Variants in GALNT10 observed in about 807,000 individuals in gnomAD.
GALNT10 encodes GalNAc transferase 10.
A neutral mutation model predicts 75.0 loss-of-function variants in GALNT10; 41 were observed. The observed-to-expected ratio is 0.55, with a 90% CI of 0.43 to 0.71. The LOEUF is 0.71. Among genes scored for constraint, GALNT10 ranks in the 30% least tolerant of loss-of-function variants. GALNT10 has a pLI of 0.00. For missense variants in GALNT10, 727 were observed against 818.5 expected, an observed-to-expected ratio of 0.89 and a Z score of 1.36; for synonymous variants, 302 against 313.0, an observed-to-expected ratio of 0.96 and a Z score of 0.37.
intron 4 of GALNT10, among the ~76,000 whole-genome samples, chr5:154,330,908 G>GGTGTGT (rs370103391): frequency 0.077 from 9,686 of 125,956 alleles, 334 homozygotes; most frequent in Middle Eastern, 0.17. Flanking sequence ...AGACAGAGAG[G>GGTGTGT]GTGTGTGTGT....
intron 5 of GALNT10, among the ~76,000 whole-genome samples, chr5:154,378,230 T>C (rs1388012365): frequency 6.6e-6 from 1 of 152,242 alleles, no homozygotes; most frequent in East Asian, 1.9e-4. Context: ...TAGCTCACTC[T>C]GCCTCCTTTG....
At chr5:154,344,807 C>T (rs1755095211) in intron 4 of GALNT10, among the ~76,000 whole-genome samples, 1 of 152,168 alleles carries the variant, frequency 6.6e-6, no homozygotes, top group South Asian at 2.1e-4. Flanking sequence ...GGAATCTTCA[C>T]CCAACCTGTA....
chr5:154,338,219 G>A, intron 4 of GALNT10: 1 of 747,642 alleles, frequency 1.3e-6, no homozygotes, highest in South Asian at 1.4e-5. Context: ...ATTCATGGCT[G>A]CATCCATCTT....
At chr5:154,371,720 A>G (rs1021876949) in intron 4 of GALNT10, among the ~76,000 whole-genome samples, 2 of 152,108 alleles carry the variant, frequency 1.3e-5, no homozygotes, top group Non-Finnish European at 2.9e-5. Flanking sequence ...CTCTCCAGTA[A>G]TATCAGAAGT....
chr5:154,207,645 G>A (rs114856233), intron 1 of GALNT10, among the ~76,000 whole-genome samples: 1,562 of 152,238 alleles, frequency 0.01, 30 homozygotes, highest in African/African-American at 0.036. Context: ...AGTCTTTTAC[G>A]GGGAGTGGGA....
intron 1 of GALNT10, among the ~76,000 whole-genome samples, chr5:154,264,450 G>A (rs1328093970): frequency 6.6e-6 from 1 of 152,140 alleles, no homozygotes; most frequent in Non-Finnish European, 1.5e-5. Flanking sequence ...ACAGATGCAT[G>A]CTGAAGTACT....
At chr5:154,208,816 A>G (rs1470929432) in intron 1 of GALNT10, among the ~76,000 whole-genome samples, 1 of 152,200 alleles carries the variant, frequency 6.6e-6, no homozygotes, top group Non-Finnish European at 1.5e-5. Context: ...AGAAGTGAAA[A>G]GCACTCTAAA....
At chr5:154,219,189 G>C (rs1322970161) in intron 1 of GALNT10, among the ~76,000 whole-genome samples, 1 of 152,188 alleles carries the variant, frequency 6.6e-6, no homozygotes, top group African/African-American at 2.4e-5. Context: ...CTCTACCTGG[G>C]TCCCCAGGCC....
At chr5:154,335,923 T>C (rs1202670226) in intron 4 of GALNT10, among the ~76,000 whole-genome samples, 1 of 152,218 alleles carries the variant, frequency 6.6e-6, no homozygotes, top group Non-Finnish European at 1.5e-5. Context: ...ATCTACCATA[T>C]GACGTATAGC....
At chr5:154,384,213 C>T (rs561027653) in intron 6 of GALNT10, among the ~76,000 whole-genome samples, 1 of 152,180 alleles carries the variant, frequency 6.6e-6, no homozygotes, top group African/African-American at 2.4e-5. Flanking sequence ...TGGGTGGGGA[C>T]GTAGCCAACC....
chr5:154,224,492 G>C (rs545003624), intron 1 of GALNT10, among the ~76,000 whole-genome samples: 103 of 152,340 alleles, frequency 6.8e-4, no homozygotes, highest in African/African-American at 2.1e-3. Context: ...AATTTGTCCA[G>C]CTTGTAATTT....
chr5:154,251,750 C>CTGGA (rs1182611874), intron 1 of GALNT10, among the ~76,000 whole-genome samples: 1 of 152,116 alleles, frequency 6.6e-6, no homozygotes, highest in East Asian at 1.9e-4. Flanking sequence ...TACACCAGAC[C>CTGGA]TGGAATTCAT....
At chr5:154,347,163 G>GC in intron 4 of GALNT10, 1 of 513,292 alleles carries the variant, frequency 1.9e-6, no homozygotes, top group Non-Finnish European at 4.0e-6. Flanking sequence ...TGTGAGGTTG[G>GC]CATTGTTGTC....
In GALNT10 at chr5:154,244,325, C is replaced by T. The variant is rs183106060; in HGVS notation, c.160-50491C>T. On this transcript the variant is annotated intron_variant, in intron 1 of 11. Coordinates refer to ENST00000297107, the MANE Select transcript of GALNT10 (RefSeq NM_198321.4). ...CTCATGCCTGTAATCCCAGCACTTTCAGAGGCTCAGGTGGGAGGATTGCTT... is the reference window on the plus strand; with the variant it reads ...CTCATGCCTGTAATCCCAGCACTTTTAGAGGCTCAGGTGGGAGGATTGCTT... Among the ~76,000 whole-genome samples the T allele has an allele frequency of 6.0e-3, 913 of 152,150 alleles. 5 individuals carry two copies. Among genetic ancestry groups the T allele is most frequent in the Middle Eastern group, 0.01 (3 of 294 alleles).
intron 1 of GALNT10, among the ~76,000 whole-genome samples, chr5:154,202,713 G>A (rs1412675444): frequency 6.6e-6 from 1 of 152,160 alleles, no homozygotes; most frequent in Non-Finnish European, 1.5e-5. Context: ...TACCTTCTTG[G>A]CACACGAGCA....
At chr5:154,253,118 C>T (rs1288293603) in intron 1 of GALNT10, among the ~76,000 whole-genome samples, 3 of 149,660 alleles carry the variant, frequency 2.0e-5, no homozygotes, top group East Asian at 2.0e-4. Flanking sequence ...TAACTTACGT[C>T]GTATACCTTA....
At chr5:154,337,134 G>A (rs531163555) in intron 4 of GALNT10, among the ~76,000 whole-genome samples, 2 of 152,140 alleles carry the variant, frequency 1.3e-5, no homozygotes, top group South Asian at 4.1e-4. Context: ...TTTTTTAAAA[G>A]ACACATTTAT....
At chr5:154,258,830 A>C (rs1189127323) in intron 1 of GALNT10, among the ~76,000 whole-genome samples, 1 of 152,190 alleles carries the variant, frequency 6.6e-6, no homozygotes, top group African/African-American at 2.4e-5. Context: ...TGCCATATTT[A>C]AAGGCCAATC....
At chr5:154,196,054 G>A (rs1774934283) in intron 1 of GALNT10, among the ~76,000 whole-genome samples, 1 of 152,068 alleles carries the variant, frequency 6.6e-6, no homozygotes. Flanking sequence ...TTCCCAAGTA[G>A]CTGGGATTAT....
Sources: gnomAD v4.1 joint callset for allele counts (sites outside exome capture counted in the v4.1 genomes callset) on GRCh38, gnomAD v4.1.1 for gene constraint, MANE v1.5 for transcripts, NCBI Gene and HGNC (gene_info 2026-07-23, HGNC 2026-07-21) for gene names.